Variants in ENTREP2 observed in about 807,000 individuals in gnomAD.
ENTREP2 encodes protein ENTREP2.
At chr15:29,306,664 ATTTTTTTTTTTTTTTTTTTTTTTTTTTT>A in the ENTREP2 span, among the ~76,000 whole-genome samples, 776 of 77,340 alleles carry the variant, frequency 0.01, 11 homozygotes, top group African/African-American at 0.026. Context: ...ATAATTGGTA[ATTTTTTTTTTTTTTTTTTTTTTTTTTTT>A]TTTTTTTTTT....
At chr15:29,578,214 T>C in the ENTREP2 span, among the ~76,000 whole-genome samples, 1 of 152,160 alleles carries the variant, frequency 6.6e-6, no homozygotes. Context: ...CACTTGTAGG[T>C]TGCTGGAATG....
chr15:29,262,130 A>C, the ENTREP2 span, among the ~76,000 whole-genome samples: 1 of 151,960 alleles, frequency 6.6e-6, no homozygotes, highest in Non-Finnish European at 1.5e-5. Context: ...GGAGTACAAA[A>C]AGAAAGAGAA....
the ENTREP2 span, among the ~76,000 whole-genome samples, chr15:29,295,011 G>A: frequency 6.6e-6 from 1 of 152,200 alleles, no homozygotes; most frequent in Non-Finnish European, 1.5e-5. Flanking sequence ...CCCAGGCACT[G>A]AGAGAAGCTT....
At chr15:29,145,096 A>C in the ENTREP2 span, among the ~76,000 whole-genome samples, 1 of 152,116 alleles carries the variant, frequency 6.6e-6, no homozygotes, top group Admixed American at 6.5e-5. Context: ...CTTCATAACA[A>C]TCTTCCAACA....
At chr15:29,118,289 C>CTAAT in the ENTREP2 span, 2 of 152,468 alleles carry the variant, frequency 1.3e-5, no homozygotes, top group Admixed American at 1.3e-4. Context: ...GCGCATATCA[C>CTAAT]TAATAAACCT....
At chr15:29,564,935 T>C in the ENTREP2 span, among the ~76,000 whole-genome samples, 4 of 152,052 alleles carry the variant, frequency 2.6e-5, no homozygotes, top group African/African-American at 9.7e-5. Context: ...AAAAACTACT[T>C]TGCCACCATG....
chr15:29,208,862 G>C, the ENTREP2 span, among the ~76,000 whole-genome samples: 1 of 152,160 alleles, frequency 6.6e-6, no homozygotes, highest in Non-Finnish European at 1.5e-5. Flanking sequence ...TTGGAAACCA[G>C]AGCTACTTGC....
the ENTREP2 span, among the ~76,000 whole-genome samples, chr15:29,662,605 C>A: frequency 6.6e-6 from 1 of 152,192 alleles, no homozygotes; most frequent in Admixed American, 6.5e-5. Flanking sequence ...CCTGCCTGGG[C>A]TGCACAGGGC....
chr15:29,658,785 T>TA, the ENTREP2 span, among the ~76,000 whole-genome samples: 262 of 152,224 alleles, frequency 1.7e-3, no homozygotes, highest in Non-Finnish European at 2.1e-3. Context: ...TAAAGGACTA[T>TA]AAAAAAAACT....
At chr15:29,463,226 G>C in the ENTREP2 span, among the ~76,000 whole-genome samples, 1 of 152,286 alleles carries the variant, frequency 6.6e-6, no homozygotes, top group East Asian at 1.9e-4. Flanking sequence ...CTGGAAACCA[G>C]GGGTTGGAAA....
At chr15:29,304,497 A>C in the ENTREP2 span, among the ~76,000 whole-genome samples, 1 of 152,230 alleles carries the variant, frequency 6.6e-6, no homozygotes, top group Middle Eastern at 3.4e-3. Flanking sequence ...ATCACTCAAA[A>C]CCATACGACT....
the ENTREP2 span, among the ~76,000 whole-genome samples, chr15:29,224,582 C>T: frequency 1.3e-5 from 2 of 152,146 alleles, no homozygotes; most frequent in African/African-American, 2.4e-5. Context: ...TCTCCACCTC[C>T]TCACTAGATT....
the ENTREP2 span, among the ~76,000 whole-genome samples, chr15:29,156,803 T>C: frequency 6.6e-6 from 1 of 152,128 alleles, no homozygotes; most frequent in South Asian, 2.1e-4. Context: ...GGCCAGGGAC[T>C]GTGGGAGAGA....
At chr15:29,455,554 A>T in the ENTREP2 span, among the ~76,000 whole-genome samples, 6,353 of 152,294 alleles carry the variant, frequency 0.042, 411 homozygotes, top group African/African-American at 0.14. Flanking sequence ...GTATGATATT[A>T]GGTGAGGACC....
At chr15:29,350,896 C>G in the ENTREP2 span, among the ~76,000 whole-genome samples, 1 of 152,192 alleles carries the variant, frequency 6.6e-6, no homozygotes, top group Admixed American at 6.5e-5. Context: ...GAGCCAAGAT[C>G]ACGCCACTGC....
chr15:29,143,214 G>C, the ENTREP2 span, among the ~76,000 whole-genome samples: 49 of 152,246 alleles, frequency 3.2e-4, no homozygotes, highest in Non-Finnish European at 6.6e-4. Context: ...CTAACTGAAT[G>C]AATGAATGAG....
At chr15:29,547,368 G>A in the ENTREP2 span, among the ~76,000 whole-genome samples, 9 of 152,152 alleles carry the variant, frequency 5.9e-5, no homozygotes, top group East Asian at 1.9e-4. Context: ...GATTACAGGC[G>A]TGAGCCACCA....
chr15:29,135,153 T>G, the ENTREP2 span, among the ~76,000 whole-genome samples: 29 of 143,218 alleles, frequency 2.0e-4, 1 homozygote, highest in Non-Finnish European at 3.1e-4. The surrounding 1 kb of genome is among the most constrained non-coding windows in gnomAD (Gnocchi z 7.4). Flanking sequence ...AAGTCTCCCC[T>G]GCCCACGCCC....
the ENTREP2 span, chr15:29,196,728 C>T: frequency 1.7e-6 from 1 of 605,924 alleles, no homozygotes; most frequent in Non-Finnish European, 2.6e-6. Flanking sequence ...TGACCCAGGC[C>T]ATCAGGAGGA....
Sources: gnomAD v4.1 joint callset for allele counts (sites outside exome capture counted in the v4.1 genomes callset) on GRCh38, gnomAD v4.1.1 for gene constraint, Gnocchi (gnomAD v3.1) non-coding constraint, MANE v1.5 for transcripts, NCBI Gene and HGNC (gene_info 2026-07-23, HGNC 2026-07-21) for gene names.